Variants in WWOX observed in about 807,000 individuals in gnomAD.
WWOX encodes WW domain containing oxidoreductase.
Under a neutral mutation model 46.2 loss-of-function variants are expected in WWOX, and 69 were observed. The ratio of observed to expected loss-of-function variants is 1.49; its 90% CI spans 1.23 to 1.82. WWOX has a LOEUF of 1.82. Among genes scored for constraint, WWOX ranks in the 40% most tolerant of loss-of-function variants. The probability of loss-of-function intolerance (pLI) is 0.00; values close to 1 mark genes in which losing one functional copy is unlikely to be tolerated. For missense variants in WWOX, 919 were observed against 542.6 expected, an observed-to-expected ratio of 1.69 and a Z score of -6.89; for synonymous variants, 359 against 202.6, an observed-to-expected ratio of 1.77 and a Z score of -6.56.
At chr16:78,569,130 C>G (rs1343481225) in intron 8 of WWOX, among the ~76,000 whole-genome samples, 1 of 152,124 alleles carries the variant, frequency 6.6e-6, no homozygotes, top group African/African-American at 2.4e-5. Flanking sequence ...TACAGGATAC[C>G]TAGGGACCTG....
intron 8 of WWOX, among the ~76,000 whole-genome samples, chr16:78,773,337 G>A (rs7199334): frequency 0.74 from 113,079 of 152,036 alleles, 43,022 homozygotes; most frequent in Middle Eastern, 0.89. Flanking sequence ...TATCCCTAAG[G>A]TTTCAGGAAT....
intron 8 of WWOX, among the ~76,000 whole-genome samples, chr16:79,104,409 T>G (rs1176155096): frequency 6.6e-6 from 1 of 152,220 alleles, no homozygotes; most frequent in African/African-American, 2.4e-5. Flanking sequence ...GAACCACCAT[T>G]AACATTTTGC....
intron 5 of WWOX, chr16:78,355,382 C>A (rs2151909263): frequency 4.3e-6 from 1 of 233,706 alleles, no homozygotes; most frequent in African/African-American, 2.3e-5. Context: ...GCGGGCGAAT[C>A]ACGAGGTCAG....
chr16:78,883,878 T>C (rs966937260), intron 8 of WWOX, among the ~76,000 whole-genome samples: 15 of 152,110 alleles, frequency 9.9e-5, no homozygotes, highest in African/African-American at 3.4e-4. Flanking sequence ...AAAAAGATAA[T>C]TTAAAGGGAA....
chr16:78,564,236 A>G (rs939202452), intron 8 of WWOX, among the ~76,000 whole-genome samples: 6 of 152,248 alleles, frequency 3.9e-5, no homozygotes, highest in African/African-American at 1.4e-4. Context: ...TTGCACAGCA[A>G]AATTGAATGG....
chr16:78,549,167 G>A (rs533003251), intron 8 of WWOX, among the ~76,000 whole-genome samples: 66 of 152,252 alleles, frequency 4.3e-4, no homozygotes, highest in African/African-American at 1.4e-3. Context: ...AGAGATTGCC[G>A]GTCGTAAAGG....
In WWOX at chr16:78,228,579, C is replaced by T. The variant is rs113309320; in HGVS notation, c.516+64290C>T. Among the ~76,000 whole-genome samples the T allele has an allele frequency of 5.4e-3, 822 of 152,148 alleles. 8 individuals carry two copies. Among genetic ancestry groups the T allele is most frequent in the African/African-American group, 0.018 (757 of 41,524 alleles). ...CAGGTCTCAAACTCCCGGGCTCAAG[C>T]GATCCTCCCACCTTGGCCTCCCAAA... On this transcript the variant is annotated intron_variant, in intron 5 of 8. Transcript: ENST00000566780.
intron 8 of WWOX, chr16:79,110,934 C>G (rs1419447906): frequency 1.3e-5 from 2 of 152,194 alleles, no homozygotes; most frequent in East Asian, 1.9e-4. Flanking sequence ...ATGCCTGGCA[C>G]AAGGCCTTAA....
chr16:78,327,109 A>T (rs576855131), intron 5 of WWOX, among the ~76,000 whole-genome samples: 1 of 152,164 alleles, frequency 6.6e-6, no homozygotes, highest in Non-Finnish European at 1.5e-5. Flanking sequence ...GTGACTTTCA[A>T]GTCCCTAAGT....
intron 4 of WWOX, among the ~76,000 whole-genome samples, chr16:78,134,654 C>A (rs928342792): frequency 5.9e-5 from 9 of 152,150 alleles, no homozygotes; most frequent in Admixed American, 2.0e-4. Flanking sequence ...ATAAAGCACT[C>A]CACTGTTGTT....
chr16:78,660,864 T>C (rs1003276081), intron 8 of WWOX, among the ~76,000 whole-genome samples: 1 of 152,178 alleles, frequency 6.6e-6, no homozygotes, highest in Non-Finnish European at 1.5e-5. Flanking sequence ...TTACCTACTT[T>C]TTCCATTTAA....
chr16:78,752,070 A>C (rs181839892), intron 8 of WWOX, among the ~76,000 whole-genome samples: 20 of 152,326 alleles, frequency 1.3e-4, no homozygotes, highest in Admixed American at 1.2e-3. Context: ...CATAAATTCT[A>C]ACATTGGTAA....
intron 5 of WWOX, among the ~76,000 whole-genome samples, chr16:78,307,947 A>G (rs2080163734): frequency 6.6e-6 from 1 of 152,202 alleles, no homozygotes; most frequent in Admixed American, 6.5e-5. Flanking sequence ...TTCACACTTC[A>G]GAACCAAGCT....
At chr16:78,398,990 G>A (rs1257994015) in intron 6 of WWOX, among the ~76,000 whole-genome samples, 1 of 151,574 alleles carries the variant, frequency 6.6e-6, no homozygotes, top group Non-Finnish European at 1.5e-5. Context: ...GAAGAGGTAA[G>A]TACAAGGAAG....
At chr16:78,912,942 C>G (rs571216425) in intron 8 of WWOX, among the ~76,000 whole-genome samples, 1 of 151,946 alleles carries the variant, frequency 6.6e-6, no homozygotes. Flanking sequence ...CTCGAAGGGT[C>G]GAACGGTCCA....
intron 8 of WWOX, among the ~76,000 whole-genome samples, chr16:79,128,628 A>G (rs2049810925): frequency 6.6e-6 from 1 of 152,196 alleles, no homozygotes; most frequent in Non-Finnish European, 1.5e-5. Context: ...GGGTCTGGGC[A>G]TTTATTTCCA....
At chr16:78,709,380 C>A (rs571483860) in intron 8 of WWOX, among the ~76,000 whole-genome samples, 1 of 152,208 alleles carries the variant, frequency 6.6e-6, no homozygotes. Flanking sequence ...CGATTCTCGG[C>A]CATTCCGGTT....
chr16:79,029,388 C>T (rs569039518), intron 8 of WWOX, among the ~76,000 whole-genome samples: 2 of 152,282 alleles, frequency 1.3e-5, no homozygotes, highest in East Asian at 3.9e-4. Context: ...ACAGTAAACC[C>T]ATCATGTCCA....
intron 8 of WWOX, among the ~76,000 whole-genome samples, chr16:78,791,328 C>T (rs897091886): frequency 5.3e-5 from 8 of 152,090 alleles, no homozygotes; most frequent in African/African-American, 7.2e-5. Context: ...CTGGACTCAA[C>T]GGCAGTCTCA....
Sources: allele counts gnomAD v4.1 joint callset (sites outside exome capture counted in the v4.1 genomes callset), GRCh38; gene constraint gnomAD v4.1.1; transcripts MANE v1.5; gene names NCBI Gene and HGNC (gene_info 2026-07-23, HGNC 2026-07-21).